The following UBE2U variants were observed in gnomAD, a reference collection of about 807,000 sequenced individuals.
UBE2U encodes the protein ubiquitin conjugating enzyme E2 U, also known as ubiquitin-conjugating enzyme E2 U.
Under a neutral mutation model 41.2 loss-of-function variants are expected in UBE2U, and 39 were observed. The ratio of observed to expected loss-of-function variants is 0.95; its 90% CI spans 0.73 to 1.24. The LOEUF is 1.24. Among genes scored for constraint, UBE2U ranks in the 50% most tolerant of loss-of-function variants. The pLI, the probability that UBE2U is intolerant of heterozygous loss-of-function variation, is 0.00. For missense variants in UBE2U, 336 were observed against 363.1 expected (o/e 0.93, Z 0.61); for synonymous variants, 107 against 117.8 (o/e 0.91, Z 0.60).
chr1:64,263,765 T>A (rs910068486), intron 9 of UBE2U, among the ~76,000 whole-genome samples: 6 of 152,152 alleles, frequency 3.9e-5, no homozygotes, highest in Admixed American at 3.3e-4. Context: ...GTTGAGGACA[T>A]TATGCTTGGG....
At chr1:64,256,911 G>GAA (rs139520292) in intron 8 of UBE2U, among the ~76,000 whole-genome samples, 58,003 of 147,860 alleles carry the variant, frequency 0.39, 11,654 homozygotes, top group East Asian at 0.72. Flanking sequence ...AAATTTACAG[G>GAA]AAAAAAAAAA....
At chr1:64,260,744 C>T in intron 9 of UBE2U, 50 bp downstream of exon 9, 1 of 1,391,602 alleles carries the variant, frequency 7.2e-7, no homozygotes. Context: ...ACATATTATG[C>T]ATAATATGCA....
intron 7 of UBE2U, among the ~76,000 whole-genome samples, chr1:64,233,901 C>T (rs375328819): frequency 6.6e-6 from 1 of 152,304 alleles, no homozygotes; most frequent in South Asian, 2.1e-4. Flanking sequence ...CGTTTTAGTC[C>T]TCTTCTTACT....
intron 5 of UBE2U, 142 bp from the exon 6 acceptor site, chr1:64,220,717 C>T (rs1652390015): frequency 1.5e-6 from 1 of 680,892 alleles, no homozygotes; most frequent in Non-Finnish European, 2.4e-6. Context: ...TTCTTGTCAT[C>T]TTTCTTTTGC....
chr1:64,258,354 T>C (rs1039303781), intron 8 of UBE2U, among the ~76,000 whole-genome samples: 1 of 152,122 alleles, frequency 6.6e-6, no homozygotes, highest in Non-Finnish European at 1.5e-5. Flanking sequence ...TAAGTTCTAG[T>C]GTACATGTGC....
At chr1:64,222,269 C>G (rs1031915215) in intron 6 of UBE2U, among the ~76,000 whole-genome samples, 3 of 151,960 alleles carry the variant, frequency 2.0e-5, no homozygotes, top group African/African-American at 7.3e-5. Context: ...TAAAATAGGC[C>G]TATGATAAAT....
At chr1:64,210,683 G>A (rs1406027263) in intron 3 of UBE2U, 59 bp from the exon 4 acceptor site, 2 of 1,130,654 alleles carry the variant, frequency 1.8e-6, no homozygotes, top group African/African-American at 1.6e-5. Flanking sequence ...TTTGATGTTT[G>A]TAAGTTTTAA....
intron 7 of UBE2U, among the ~76,000 whole-genome samples, chr1:64,239,134 A>G (rs962962020): frequency 0.017 from 488 of 28,210 alleles, 4 homozygotes; most frequent in Non-Finnish European, 0.019. Flanking sequence ...AAGAAGAAGA[A>G]GAAGAAGAAG....
At chr1:64,251,167 A>G (rs1420615601) in intron 8 of UBE2U, among the ~76,000 whole-genome samples, 2 of 150,992 alleles carry the variant, frequency 1.3e-5, no homozygotes, top group Non-Finnish European at 3.0e-5. Flanking sequence ...AAATTTTAGT[A>G]TATTTAATCT....
chr1:64,221,547 C>A (rs1255435237), intron 6 of UBE2U, among the ~76,000 whole-genome samples: 1 of 152,204 alleles, frequency 6.6e-6, no homozygotes, highest in Non-Finnish European at 1.5e-5. Context: ...AGAGTTAGGG[C>A]TGAAGCCATT....
At chr1:64,244,156 A>T in intron 8 of UBE2U, 1 of 1,609,160 alleles carries the variant, frequency 6.2e-7, no homozygotes, top group Non-Finnish European at 8.5e-7. Flanking sequence ...TGGAAGCAGC[A>T]TAGGGGAAGA....
intron 8 of UBE2U, among the ~76,000 whole-genome samples, chr1:64,258,236 A>C (rs1645125772): frequency 6.6e-6 from 1 of 152,152 alleles, no homozygotes; most frequent in Non-Finnish European, 1.5e-5. Context: ...AGTGTCTGGC[A>C]CAAGGTTGGT....
At chr1:64,262,065 ATTGT>A (rs1645187363) in intron 9 of UBE2U, among the ~76,000 whole-genome samples, 1 of 152,002 alleles carries the variant, frequency 6.6e-6, no homozygotes, top group South Asian at 2.1e-4. Flanking sequence ...GTGGGTCATG[ATTGT>A]TTGTTCCCTA....
intron 8 of UBE2U, among the ~76,000 whole-genome samples, chr1:64,248,069 T>G (rs1644949914): frequency 6.6e-6 from 1 of 152,146 alleles, no homozygotes; most frequent in Non-Finnish European, 1.5e-5. Flanking sequence ...CAGGTATTTG[T>G]AGCAACACTA....
intron 7 of UBE2U, among the ~76,000 whole-genome samples, chr1:64,233,676 A>G (rs1300130169): frequency 6.6e-6 from 1 of 152,206 alleles, no homozygotes; most frequent in Non-Finnish European, 1.5e-5. Flanking sequence ...ATCTGTTACC[A>G]TCATACATCA....
At chr1:64,224,130 G>A (rs1017977320) in intron 6 of UBE2U, among the ~76,000 whole-genome samples, 5 of 152,056 alleles carry the variant, frequency 3.3e-5, no homozygotes, top group African/African-American at 4.8e-5. Flanking sequence ...ATTTAAAGGG[G>A]CAGGCACGAG....
At chr1:64,256,590 C>T (rs375250793) in intron 8 of UBE2U, among the ~76,000 whole-genome samples, 2 of 152,146 alleles carry the variant, frequency 1.3e-5, no homozygotes, top group East Asian at 3.8e-4. Flanking sequence ...AAGTGGACCC[C>T]TTCCTTCCAC....
At chr1:64,218,377 G>A (rs1455648938) in intron 5 of UBE2U, among the ~76,000 whole-genome samples, 1 of 151,920 alleles carries the variant, frequency 6.6e-6, no homozygotes, top group South Asian at 2.1e-4. Flanking sequence ...GTAACTTTTC[G>A]GCAAAGTTTC....
chr1:64,239,157 A>AAGAAGAAGAAGAAGAAGAAG, intron 7 of UBE2U, among the ~76,000 whole-genome samples: 25 of 37,016 alleles, frequency 6.8e-4, no homozygotes, highest in Admixed American at 9.5e-4. Context: ...GAAGAAGAAG[A>AAGAAGAAGAAGAAGAAGAAG]AAGAAGAAGA....
Sources: gnomAD v4.1 joint callset for allele counts (sites outside exome capture counted in the v4.1 genomes callset) on GRCh38, gnomAD v4.1.1 for gene constraint, MANE v1.5 for transcripts, NCBI Gene and HGNC (gene_info 2026-07-23, HGNC 2026-07-21) for gene names.